Variants in DUSP7 observed in about 807,000 individuals in gnomAD.
The protein encoded by DUSP7 is dual specificity phosphatase 7.
Under a neutral mutation model 29.8 loss-of-function variants are expected in DUSP7, and 7 were observed. That is an observed-to-expected ratio of 0.24 (90% confidence interval 0.13 to 0.44). The LOEUF is 0.44. Ranked by LOEUF, DUSP7 falls within the 20% of genes least tolerant of loss-of-function variation. The probability of loss-of-function intolerance (pLI) is 1.00; values close to 1 mark genes in which losing one functional copy is unlikely to be tolerated. For synonymous variants in DUSP7, 287 were observed against 275.4 expected (o/e 1.04, Z -0.42); for missense variants, 400 against 583.7 (o/e 0.69, Z 3.24).
Position 52,053,812 on chromosome 3 carries a change from G to A in DUSP7, c.952+128C>T, listed in dbSNP as rs1328581788. 2.9e-6 allele frequency: 3 copies of A among 1,044,766 alleles called. No individual in the cohort carries two copies. Among genetic ancestry groups the A allele is most frequent in the Admixed American group, 2.1e-5 (1 of 46,532 alleles). The allele number at this position is 1,044,766 out of a possible 1,614,324, so 64.7% of individuals were successfully genotyped here. ...GGCCTGGGTACACCCACGGGCACACGCTGGCACACGTAGGGCACACACAGG... is the reference window on the plus strand; with the variant it reads ...GGCCTGGGTACACCCACGGGCACACACTGGCACACGTAGGGCACACACAGG... On this transcript the variant is annotated intron_variant, in intron 2 of 2. Transcript: ENST00000495880. This position sits in a 1 kb window ranked among gnomAD's most constrained non-coding sequence, Gnocchi z 4.6.
rs888141779 is a variant in DUSP7 at position 52,049,117 on chromosome 3, T to C, written c.*1698A>G. 1 of 152,194 alleles carries C rather than the reference T, an allele frequency of 6.6e-6. No homozygotes were observed. The highest frequency in any genetic ancestry group is 6.5e-5 in the Admixed American group (1 of 15,278). The allele number at this position is 152,194 out of a possible 1,614,324, so 9.4% of individuals were successfully genotyped here. A position where few individuals can be genotyped will look rare whatever the true frequency, so the allele number is the denominator to read the frequency against. On this transcript the variant is annotated 3_prime_UTR_variant, in exon 3 of 3. Coordinates refer to ENST00000495880, the MANE Select transcript of DUSP7 (RefSeq NM_001947.4). ...TGGTACATCTTTCTGGGTTTTCTTTTTAAAAATAAAAGAGAGAAAAAGAGA... is the reference window on the plus strand; with the variant it reads ...TGGTACATCTTTCTGGGTTTTCTTTCTAAAAATAAAAGAGAGAAAAAGAGA...
Position 52,051,032 on chromosome 3 carries a change from T to C in DUSP7, c.1043A>G (p.Gln348Arg). The change falls in exon 3 of 3, where the codon CAG (glutamine) becomes CGG (arginine). Residue 348 changes from glutamine to arginine, a missense_variant. Gln to Arg is a conservative substitution (Grantham distance 43). This residue lies in a region of DUSP7 where 75 missense variants were observed against 95.0 expected (regional missense o/e 0.79). Transcript: ENST00000495880. This position sits in a 1 kb window ranked among gnomAD's most constrained non-coding sequence, Gnocchi z 4.8. ...SVTVTVAYLM[Q>R]KMNLSLNDAY... ...GTCGTTGAGTGACAGGTTCATCTTC[T>C]GCATCAGATAGGCCACAGTGACCGT... 1 of 1,614,262 alleles carries C rather than the reference T, an allele frequency of 6.2e-7. No individual in the cohort carries two copies. The highest frequency in any genetic ancestry group is 8.5e-7 in the Non-Finnish European group (1 of 1,180,046).
At chr3:52,055,084 G>A (rs556367459) in intron 1 of DUSP7, among the ~76,000 whole-genome samples, 11 of 152,362 alleles carry the variant, frequency 7.2e-5, no homozygotes, top group Admixed American at 5.9e-4. Context: ...ACAGGGACAG[G>A]AGAAATGGGG....
In DUSP7 at chr3:52,054,245, C is replaced by A; in HGVS notation, c.647G>T (p.Cys216Phe). ...CTCTCGGTCCGACTCGCCGTCGGAG[C>A]AGTCAGAGCTGATGCGCAGGCCCCC... ...GLGGLRISSD[C>F]SDGESDRELP... Residue 216 changes from cysteine (C) to phenylalanine (F), a missense_variant, in exon 2 of 3, where the codon TGC (cysteine) becomes TTC (phenylalanine). By Grantham distance (205) the Cys-to-Phe change is radical (BLOSUM62 -2). This residue lies in a region of DUSP7 where 223 missense variants were observed against 360.9 expected (regional missense o/e 0.62). Coordinates refer to ENST00000495880, the MANE Select transcript of DUSP7 (RefSeq NM_001947.4). The surrounding 1 kb of genome is among the most constrained non-coding windows in gnomAD (Gnocchi z 4.1). 2 of 1,608,166 alleles carry A rather than the reference C, an allele frequency of 1.2e-6. No individual in the cohort carries two copies. Among genetic ancestry groups the A allele is most frequent in the South Asian group, 2.2e-5 (2 of 90,494 alleles).
chr3:52,054,148 G>C lies in DUSP7; in HGVS notation c.744C>G (p.Ile248Met). ...PSSQPAFPVQILPYLYLGCAK... is the reference protein window; with the variant it reads ...PSSQPAFPVQMLPYLYLGCAK... ...CGCAGCCGAGGTAGAGGTAGGGCAG[G>C]ATCTGGACAGGGAAGGCTGGTTGGC... is the stretch of plus-strand genomic sequence containing the variant. Residue 248 changes from isoleucine (I) to methionine (M), a missense_variant, in exon 2 of 3, where the codon ATC (isoleucine) becomes ATG (methionine). This residue lies in a region of DUSP7 where 223 missense variants were observed against 360.9 expected (regional missense o/e 0.62). Coordinates refer to ENST00000495880, the MANE Select transcript of DUSP7 (RefSeq NM_001947.4). The surrounding 1 kb of genome is among the most constrained non-coding windows in gnomAD (Gnocchi z 4.1). The C allele has an allele frequency of 6.2e-7, 1 of 1,614,216 alleles. No homozygotes were observed. Among genetic ancestry groups the C allele is most frequent in the Non-Finnish European group, 8.5e-7 (1 of 1,180,030 alleles).
Position 52,053,712 on chromosome 3 carries a change from G to A in DUSP7, c.952+228C>T, listed in dbSNP as rs1420344048. ...GAGCCCATGACGTGCTGTCAGCTAGGGGGAGCTCAGGACTCAGGAGACTGC... is the reference window on the plus strand; with the variant it reads ...GAGCCCATGACGTGCTGTCAGCTAGAGGGAGCTCAGGACTCAGGAGACTGC... On this transcript the variant is annotated intron_variant, in intron 2 of 2. Transcript: ENST00000495880. This position sits in a 1 kb window ranked among gnomAD's most constrained non-coding sequence, Gnocchi z 4.6. 4 of 576,448 alleles carry A rather than the reference G, an allele frequency of 6.9e-6. No individual in the cohort carries two copies. The highest frequency in any genetic ancestry group is 3.1e-5 in the Admixed American group (1 of 32,772). 35.7% of individuals were successfully genotyped at this position (576,448 alleles called of 1,614,324 possible). A position where few individuals can be genotyped will look rare whatever the true frequency, so the allele number is the denominator to read the frequency against.
chr3:52,055,283 G>A (rs1701889089), intron 1 of DUSP7, among the ~76,000 whole-genome samples: 2 of 152,184 alleles, frequency 1.3e-5, no homozygotes, highest in Non-Finnish European at 2.9e-5. Context: ...GGGACCTGGG[G>A]GTCCCGAGAG....
rs1361649002 is a variant in DUSP7, at chr3:52,054,191, C to T, written c.701G>A (p.Gly234Asp). ...TGGTTGGCTGGATGGCACAGGGCTG[C>T]CGTCTGACTCGGTGGCACTGCTGGG... is the stretch of plus-strand genomic sequence containing the variant. ...ELPSSATESDGSPVPSSQPAF... is the reference protein window; with the variant it reads ...ELPSSATESDDSPVPSSQPAF... The change falls in exon 2 of 3, where the codon GGC becomes GAC. Residue 234 changes from glycine (G) to aspartate (D), a missense_variant. Coordinates refer to ENST00000495880, the MANE Select transcript of DUSP7 (RefSeq NM_001947.4). The surrounding 1 kb of genome is among the most constrained non-coding windows in gnomAD (Gnocchi z 4.1). The T allele has an allele frequency of 6.2e-7, 1 of 1,613,366 alleles. No homozygotes were observed. Among genetic ancestry groups the T allele is most frequent in the Admixed American group, 1.7e-5 (1 of 60,000 alleles).
At position 52,056,240 on chromosome 3, in the gene DUSP7, C is replaced by A. The variant is rs1335005749; in HGVS notation, c.127G>T (p.Ala43Ser). 3 of 1,395,352 alleles carry A rather than the reference C, an allele frequency of 2.2e-6. No individual in the cohort carries two copies. Among genetic ancestry groups the A allele is most frequent in the Non-Finnish European group, 2.8e-6 (3 of 1,080,494 alleles). 86.4% of individuals were successfully genotyped at this position (1,395,352 alleles called of 1,614,324 possible). Residue 43 changes from alanine (A) to serine (S), a missense_variant, in exon 1 of 3, where the codon GCG becomes TCG. Ala to Ser is a moderately conservative substitution (Grantham distance 99). Coordinates refer to ENST00000495880, the MANE Select transcript of DUSP7 (RefSeq NM_001947.4). The surrounding 1 kb of genome is among the most constrained non-coding windows in gnomAD (Gnocchi z 6.4). ...AGSGSGAGTG[A>S]GAATGAGAMP... is the part of the protein sequence containing the mutation. The stretch of plus-strand genomic sequence containing the variant: ...GCCCCTGCCCCCGTCGCCGCGCCCG[C>A]CCCGGTGCCTGCGCCGGACCCCGAC...
Position 52,050,419 on chromosome 3 carries a change from G to T in DUSP7, c.*396C>A. On this transcript the variant is annotated 3_prime_UTR_variant, in exon 3 of 3. Coordinates refer to ENST00000495880, the MANE Select transcript of DUSP7 (RefSeq NM_001947.4). This position sits in a 1 kb window ranked among gnomAD's most constrained non-coding sequence, Gnocchi z 5.0. ...AAAAAAAAAAAAGAAAAATCAAGAA[G>T]AGCTCAAACACTCTTTGTGCTCCAG... The T allele has an allele frequency of 1.9e-5, 3 of 160,302 alleles. No homozygotes were observed. Among genetic ancestry groups the T allele is most frequent in the Non-Finnish European group, 2.7e-5 (2 of 75,198 alleles). 9.9% of individuals were successfully genotyped at this position (160,302 alleles called of 1,614,324 possible).
At chr3:52,055,371 A>G (rs183820709) in intron 1 of DUSP7, among the ~76,000 whole-genome samples, 46 of 152,274 alleles carry the variant, frequency 3.0e-4, no homozygotes, top group African/African-American at 1.1e-3. Flanking sequence ...CGGTGGAAGA[A>G]GCAATTCCCG....
chr3:52,055,784 CA>C (rs1701894697), intron 1 of DUSP7, 65 bp downstream of exon 1: 1 of 1,459,150 alleles, frequency 6.9e-7, no homozygotes, highest in Admixed American at 2.6e-5. Context: ...AAAGCGCCTC[CA>C]AGGGGGGCGT....
chr3:52,054,444 A>T lies in DUSP7; in HGVS notation c.518-70T>A. On this transcript the variant is annotated intron_variant, in intron 1 of 2. Transcript: ENST00000495880. This position sits in a 1 kb window ranked among gnomAD's most constrained non-coding sequence, Gnocchi z 4.1. ...GCCCAGATGGGCTGCACAAGACCAGAGATGGCCAGGACTCTGCACGCCAAA... is the reference window on the plus strand; with the variant it reads ...GCCCAGATGGGCTGCACAAGACCAGTGATGGCCAGGACTCTGCACGCCAAA... 7.3e-7 allele frequency: 1 copy of T among 1,365,486 alleles called. No homozygotes were observed. The highest frequency in any genetic ancestry group is 9.9e-7 in the Non-Finnish European group (1 of 1,006,426). The allele number at this position is 1,365,486 out of a possible 1,614,324, so 84.6% of individuals were successfully genotyped here.
In DUSP7 at chr3:52,056,208, G is replaced by C. The variant is rs1160678887; in HGVS notation, c.159C>G (p.Pro53=). The stretch of plus-strand genomic sequence containing the variant: ...CCTGCAGCCACTCGGCGCTCTTGCA[G>C]GGCATGGCCCCTGCCCCCGTCGCCG... ...AGAATGAGAM[P]CKSAEWLQEE... Residue 53 remains proline, a synonymous_variant, in exon 1 of 3, where the codon CCC becomes CCG. Transcript: ENST00000495880. The surrounding 1 kb of genome is among the most constrained non-coding windows in gnomAD (Gnocchi z 6.4). 1.3e-6 allele frequency: 2 copies of C among 1,525,922 alleles called. No homozygotes were observed. Among genetic ancestry groups the C allele is most frequent in the East Asian group, 2.4e-5 (1 of 41,422 alleles). The allele number at this position is 1,525,922 out of a possible 1,614,324, so 94.5% of individuals were successfully genotyped here.
rs1051095768 is a variant in DUSP7 at position 52,054,974 on chromosome 3, T to C, written c.518-600A>G. 6.6e-6 allele frequency among the ~76,000 whole-genome samples: 1 copy of C among 152,166 alleles called. No homozygotes were observed. The highest frequency in any genetic ancestry group is 6.5e-5 in the Admixed American group (1 of 15,282). On this transcript the variant is annotated intron_variant, in intron 1 of 2. Coordinates refer to ENST00000495880, the MANE Select transcript of DUSP7 (RefSeq NM_001947.4). This position sits in a 1 kb window ranked among gnomAD's most constrained non-coding sequence, Gnocchi z 4.1. ...CCCTTCCCCCAGCAGGGGCAGGTTT[T>C]TGAAGGGGGTCCTGGCTCCACTTCT...
In DUSP7 at chr3:52,051,488, G is replaced by A. The variant is rs564415852; in HGVS notation, c.953-366C>T. The A allele has an allele frequency of 6.9e-5, 15 of 218,634 alleles. No individual in the cohort carries two copies. Among genetic ancestry groups the A allele is most frequent in the Non-Finnish European group, 1.3e-4 (14 of 109,282 alleles). The allele number at this position is 218,634 out of a possible 1,614,324, so 13.5% of individuals were successfully genotyped here. On this transcript the variant is annotated intron_variant, in intron 2 of 2. Transcript: ENST00000495880. This position sits in a 1 kb window ranked among gnomAD's most constrained non-coding sequence, Gnocchi z 4.8. Reference sequence around the variant, plus strand: ...ATGGCTAGTCCTACCACTGCCATGTGCGTTAACGACTGCTGTCACGGGTGT... The same window carrying A: ...ATGGCTAGTCCTACCACTGCCATGTACGTTAACGACTGCTGTCACGGGTGT...
chr3:52,054,119 T>G lies in DUSP7; in HGVS notation c.773A>C (p.Lys258Thr). The G allele has an allele frequency of 6.2e-7, 1 of 1,614,202 alleles. No individual in the cohort carries two copies. Among genetic ancestry groups the G allele is most frequent in the Non-Finnish European group, 8.5e-7 (1 of 1,180,022 alleles). Residue 258 changes from lysine (K) to threonine (T), a missense_variant, in exon 2 of 3, where the codon AAG becomes ACG. By Grantham distance (78) the Lys-to-Thr change is moderately conservative. This residue lies in a region of DUSP7 where 223 missense variants were observed against 360.9 expected (regional missense o/e 0.62). Coordinates refer to ENST00000495880, the MANE Select transcript of DUSP7 (RefSeq NM_001947.4). This position sits in a 1 kb window ranked among gnomAD's most constrained non-coding sequence, Gnocchi z 4.1. The stretch of plus-strand genomic sequence containing the variant: ...GAGCACGTCCAGGTTGGTGGAGTCC[T>G]TGGCGCAGCCGAGGTAGAGGTAGGG... Reference protein sequence around the residue: ...ILPYLYLGCAKDSTNLDVLGK... With the variant: ...ILPYLYLGCATDSTNLDVLGK...
In DUSP7 at chr3:52,050,830, C is replaced by A. The variant is rs370707851; in HGVS notation, c.1245G>T (p.Thr415=). 5.6e-6 allele frequency: 9 copies of A among 1,611,906 alleles called. No individual in the cohort carries two copies. The highest frequency in any genetic ancestry group is 7.6e-6 in the Non-Finnish European group (9 of 1,178,036). ...GCACCAGGCCTCACGTGGACTCCAG[C>A]GTATTGAGTGGGAACAGGTTGTGGT... ...PTNHNLFPLN[T]LEST is the part of the protein sequence containing the mutation. Residue 415 remains threonine, a synonymous_variant, in exon 3 of 3, where the codon ACG becomes ACT. Transcript: ENST00000495880. The surrounding 1 kb of genome is among the most constrained non-coding windows in gnomAD (Gnocchi z 5.0).
intron 2 of DUSP7, chr3:52,052,357 G>C (rs1701856223): frequency 6.6e-6 from 1 of 152,302 alleles, no homozygotes; most frequent in African/African-American, 2.4e-5. Flanking sequence ...TCCCAACCAA[G>C]GAGTAAAGCA....
Sources: allele counts gnomAD v4.1 joint callset (sites outside exome capture counted in the v4.1 genomes callset), GRCh38; gene constraint gnomAD v4.1.1; regional missense constraint gnomAD v4.1.1; non-coding constraint Gnocchi (gnomAD v3.1); transcripts MANE v1.5; gene names NCBI Gene and HGNC (gene_info 2026-07-23, HGNC 2026-07-21).